NOX3: variants seen among roughly 807,000 people sequenced by gnomAD.
NOX3 encodes NADPH oxidase 3.
Under a neutral mutation model 76.7 loss-of-function variants are expected in NOX3, and 74 were observed. The ratio of observed to expected loss-of-function variants is 0.96; its 90% confidence interval spans 0.80 to 1.17. NOX3 has a LOEUF of 1.17. NOX3 is among the 50% of genes most tolerant of loss of function. NOX3 has a pLI of 0.00. For missense variants in NOX3, 695 were observed against 703.3 expected (o/e 0.99, Z 0.13); for synonymous variants, 263 against 261.1 (o/e 1.01, Z -0.07).
intron 10 of NOX3, among the ~76,000 whole-genome samples, chr6:155,418,156 T>C (rs1262319720): frequency 6.6e-6 from 1 of 152,018 alleles, no homozygotes; most frequent in African/African-American, 2.4e-5. Flanking sequence ...ATCCTCCCCC[T>C]CCCTCCCCAT....
Position 155,436,409 on chromosome 6 carries a change from C to T in NOX3, c.798+9G>A. 6.2e-7 allele frequency: 1 copy of T among 1,613,912 alleles called. No homozygotes were observed. The highest frequency in any genetic ancestry group is 8.5e-7 in the Non-Finnish European group (1 of 1,179,864). On this transcript the variant is annotated intron_variant, in intron 7 of 13. Coordinates refer to ENST00000159060, the MANE Select transcript of NOX3 (RefSeq NM_015718.3). The stretch of plus-strand genomic sequence containing the variant: ...ATTTATTTTTAAAAGCTCCTGGGTT[C>T]ATTCTTACCGAGGGTTCCTTGCCAG...
At chr6:155,439,472 A>C (rs1466260301) in intron 6 of NOX3, among the ~76,000 whole-genome samples, 1 of 152,170 alleles carries the variant, frequency 6.6e-6, no homozygotes, top group Non-Finnish European at 1.5e-5. Context: ...AGAGGACCTG[A>C]AGGGCTCACT....
intron 13 of NOX3, among the ~76,000 whole-genome samples, chr6:155,396,043 G>A (rs1045005421): frequency 1.3e-5 from 2 of 152,098 alleles, no homozygotes; most frequent in African/African-American, 2.4e-5. Context: ...TACTAGTCAC[G>A]CTTCTCAATG....
intron 12 of NOX3, among the ~76,000 whole-genome samples, chr6:155,405,663 G>T (rs992287260): frequency 6.6e-6 from 1 of 152,160 alleles, no homozygotes; most frequent in Non-Finnish European, 1.5e-5. Context: ...GGTAAGTGGG[G>T]ATTCCACTCT....
At chr6:155,407,341 G>C in intron 11 of NOX3, 87 bp from the exon 12 acceptor site, 1 of 1,277,442 alleles carries the variant, frequency 7.8e-7, no homozygotes. Context: ...ATGTTCATTT[G>C]TAGATTTAAT....
intron 5 of NOX3, among the ~76,000 whole-genome samples, chr6:155,441,414 A>G (rs1310633972): frequency 6.6e-6 from 1 of 152,200 alleles, no homozygotes; most frequent in Non-Finnish European, 1.5e-5. Context: ...ATCCATTTAC[A>G]TCATATGATA....
intron 10 of NOX3, among the ~76,000 whole-genome samples, chr6:155,414,092 T>C (rs1776592315): frequency 6.6e-6 from 1 of 152,224 alleles, no homozygotes; most frequent in South Asian, 2.1e-4. Context: ...TTTCCCTCCG[T>C]AATTGACTTG....
rs778740176 is a variant in NOX3 at position 155,428,883 on chromosome 6, G to A, written c.1056C>T (p.His352=). The change falls in exon 9 of 14, where the codon CAC becomes CAT. Residue 352 remains histidine (H), a synonymous_variant. Coordinates refer to ENST00000159060, the MANE Select transcript of NOX3 (RefSeq NM_015718.3). ...SAPQEDFFSV[H]IRAAGDWTAA... ...CTGTCCAGTCTCCTGCTGCCCGGAT[G>A]TGCACGCTGAAAAAGTCCTCCTGGG... 40 of 1,613,436 alleles carry A rather than the reference G, an allele frequency of 2.5e-5. No individual in the cohort carries two copies. The Middle Eastern group carries it at 4.9e-4, about 20-fold the overall frequency.
chr6:155,435,781 A>G (rs879041103), intron 7 of NOX3, among the ~76,000 whole-genome samples: 5 of 152,206 alleles, frequency 3.3e-5, no homozygotes, highest in Admixed American at 1.3e-4. Context: ...CTCTTTCCCT[A>G]TGCTACCAAC....
At chr6:155,449,893 A>G (rs1203415731) in intron 4 of NOX3, among the ~76,000 whole-genome samples, 1 of 152,258 alleles carries the variant, frequency 6.6e-6, no homozygotes, top group Non-Finnish European at 1.5e-5. Flanking sequence ...ATCTACCAGA[A>G]GAAGAAAATG....
At chr6:155,405,765 T>C (rs1776449130) in intron 12 of NOX3, among the ~76,000 whole-genome samples, 1 of 152,126 alleles carries the variant, frequency 6.6e-6, no homozygotes. Context: ...TCTCATCACC[T>C]CCTCTGCTGC....
At chr6:155,416,060 C>T (rs1239321037) in intron 10 of NOX3, among the ~76,000 whole-genome samples, 2 of 152,178 alleles carry the variant, frequency 1.3e-5, no homozygotes. Flanking sequence ...AGGGGAAGCC[C>T]CTCACCAGGC....
intron 10 of NOX3, among the ~76,000 whole-genome samples, chr6:155,420,445 A>C (rs1403253280): frequency 6.6e-6 from 1 of 152,184 alleles, no homozygotes. Flanking sequence ...AAAACAAAGC[A>C]TTGCTGTGAG....
chr6:155,450,931 A>G (rs960221566), intron 4 of NOX3, among the ~76,000 whole-genome samples: 1 of 152,186 alleles, frequency 6.6e-6, no homozygotes, highest in African/African-American at 2.4e-5. Context: ...GTATTCTGCA[A>G]ACTTCCAACT....
At chr6:155,442,848 A>G (rs1202224385) in intron 5 of NOX3, among the ~76,000 whole-genome samples, 1 of 152,230 alleles carries the variant, frequency 6.6e-6, no homozygotes, top group African/African-American at 2.4e-5. Flanking sequence ...TTCGGAGAAC[A>G]GATCCGGAAA....
chr6:155,426,987 G>A (rs954864827), intron 9 of NOX3, among the ~76,000 whole-genome samples: 12 of 89,250 alleles, frequency 1.3e-4, no homozygotes, highest in African/African-American at 5.7e-4. Flanking sequence ...ACTGTGGCGT[G>A]TGTGTGTGTG....
chr6:155,396,752 T>C (rs1779143311), intron 13 of NOX3, 57 bp downstream of exon 13: 1 of 1,411,576 alleles, frequency 7.1e-7, no homozygotes, highest in Middle Eastern at 2.0e-4. Flanking sequence ...GATTACTGTT[T>C]GGCCCCTTAT....
intron 3 of NOX3, among the ~76,000 whole-genome samples, chr6:155,454,204 A>G (rs955205608): frequency 2.6e-5 from 4 of 152,224 alleles, no homozygotes; most frequent in Non-Finnish European, 2.9e-5. Flanking sequence ...TGTAAAAACC[A>G]TAGTATCTGA....
At chr6:155,400,594 C>T (rs1293468092) in intron 12 of NOX3, among the ~76,000 whole-genome samples, 1 of 150,852 alleles carries the variant, frequency 6.6e-6, no homozygotes, top group African/African-American at 2.4e-5. Context: ...ATATTTTGTA[C>T]AACACCTTCT....
Sources: gnomAD v4.1 joint callset for allele counts (sites outside exome capture counted in the v4.1 genomes callset) on GRCh38, gnomAD v4.1.1 for gene constraint, MANE v1.5 for transcripts, NCBI Gene and HGNC (gene_info 2026-07-23, HGNC 2026-07-21) for gene names.